Variants in DCX observed in about 807,000 individuals in gnomAD.
DCX encodes neuronal migration protein doublecortin.
Under a neutral mutation model 20.9 loss-of-function variants are expected in DCX, and 4 were observed. That is an observed-to-expected ratio of 0.19 (90% CI 0.09 to 0.44). The LOEUF is 0.44. Among genes scored for constraint, DCX ranks in the 20% least tolerant of loss-of-function variants. The pLI is 0.99. For synonymous variants in DCX, 103 were observed against 111.4 expected (o/e 0.92, Z 0.47); for missense variants, 133 against 296.9 (o/e 0.45, Z 4.06).
In DCX at chrX:111,401,239, T is replaced by C; in HGVS notation, c.456A>G (p.Thr152=). The change falls in exon 3 of 7, where the codon ACA becomes ACG. Residue 152 remains threonine, a synonymous_variant. Coordinates refer to ENST00000636035, the MANE Select transcript of DCX (RefSeq NM_001195553.2). ...VNPNWSVNVK[T]SANMKAPQSL... ...ACTGGGGGGCTTTCATATTGGCAGA[T>C]GTTTTTACGTTGACAGACCAGTTGG... 4.1e-6 allele frequency: 5 copies of C among 1,211,818 alleles called. No homozygotes were observed. The highest frequency in any genetic ancestry group is 4.5e-6 in the Non-Finnish European group (4 of 895,484).
intron 3 of DCX, among the ~76,000 whole-genome samples, chrX:111,358,794 T>C (rs1413962685): frequency 8.9e-6 from 1 of 112,075 alleles, no homozygotes; most frequent in Non-Finnish European, 1.9e-5. Context: ...ATCGTTTTTC[T>C]ATACTCCAGC....
intron 6 of DCX, among the ~76,000 whole-genome samples, chrX:111,311,594 T>A (rs1371814640): frequency 9.0e-6 from 1 of 111,634 alleles, no homozygotes; most frequent in African/African-American, 3.3e-5. Flanking sequence ...CACCACCTAC[T>A]GTGAGCTGGC....
chrX:111,382,784 G>A (rs1187328284), intron 3 of DCX, among the ~76,000 whole-genome samples: 1 of 111,550 alleles, frequency 9.0e-6, no homozygotes, highest in African/African-American at 3.3e-5. Flanking sequence ...CAAGGTATGT[G>A]AATCAGAAAA....
intron 3 of DCX, among the ~76,000 whole-genome samples, chrX:111,380,277 A>G (rs1190285992): frequency 9.0e-6 from 1 of 111,657 alleles, no homozygotes; most frequent in Non-Finnish European, 1.9e-5. Context: ...CAAGATTTAT[A>G]CATATTTTTC....
chrX:111,348,871 A>G (rs1428856436), intron 3 of DCX, among the ~76,000 whole-genome samples: 1 of 109,379 alleles, frequency 9.1e-6, no homozygotes, highest in Non-Finnish European at 1.9e-5. Context: ...TTGTTAAAAA[A>G]AAAAAAAGAA....
intron 6 of DCX, among the ~76,000 whole-genome samples, chrX:111,306,680 T>C (rs2095046047): frequency 1.8e-5 from 2 of 111,561 alleles, no homozygotes; most frequent in African/African-American, 6.5e-5. Flanking sequence ...CATAAAACAA[T>C]TCTCAATAAA....
At chrX:111,327,177 A>T (rs1055945971) in intron 5 of DCX, among the ~76,000 whole-genome samples, 2 of 111,755 alleles carry the variant, frequency 1.8e-5, no homozygotes, top group African/African-American at 6.5e-5. Flanking sequence ...ATAGACTTGG[A>T]TTCTAAGAGT....
intron 3 of DCX, among the ~76,000 whole-genome samples, chrX:111,381,467 G>C: frequency 9.1e-6 from 1 of 110,472 alleles, no homozygotes; most frequent in Non-Finnish European, 1.9e-5. Flanking sequence ...TGGGTGTAAG[G>C]CTTTCATGGG....
chrX:111,358,633 G>A (rs1923951688), intron 3 of DCX, among the ~76,000 whole-genome samples: 1 of 111,644 alleles, frequency 9.0e-6, no homozygotes, highest in African/African-American at 3.3e-5. Flanking sequence ...CTTGCCATAA[G>A]GACAAAAAAT....
chrX:111,392,621 A>G (rs1457518135), intron 3 of DCX, among the ~76,000 whole-genome samples: 1 of 111,638 alleles, frequency 9.0e-6, no homozygotes, highest in African/African-American at 3.3e-5. Context: ...CTATAGAACT[A>G]TGAAGTAGAT....
chrX:111,343,090 C>T (rs1922432722), intron 3 of DCX, among the ~76,000 whole-genome samples: 1 of 105,967 alleles, frequency 9.4e-6, no homozygotes, highest in Admixed American at 1.0e-4. Flanking sequence ...AGGAGATAAG[C>T]ACACAAACTC....
intron 5 of DCX, among the ~76,000 whole-genome samples, chrX:111,327,466 C>A (rs778357862): frequency 1.8e-5 from 2 of 112,379 alleles, no homozygotes; most frequent in Admixed American, 9.4e-5. Context: ...GAAAAGTATG[C>A]ACTGTCTATA....
intron 5 of DCX, among the ~76,000 whole-genome samples, chrX:111,318,679 G>A (rs1222332057): frequency 9.0e-6 from 1 of 111,013 alleles, no homozygotes; most frequent in Non-Finnish European, 1.9e-5. Context: ...ATTATCCTTA[G>A]CAAACTAACA....
chrX:111,336,336 G>C (rs1006768845), intron 3 of DCX, among the ~76,000 whole-genome samples: 1 of 112,359 alleles, frequency 8.9e-6, no homozygotes, highest in Non-Finnish European at 1.9e-5. Flanking sequence ...GAAAGGCAAA[G>C]TCCCCTGTGC....
At chrX:111,411,217 T>G in intron 1 of DCX, 1 of 374,262 alleles carries the variant, frequency 2.7e-6, no homozygotes. Flanking sequence ...CCGGTTCCAT[T>G]TGTTCACAAA....
At chrX:111,353,887 A>G (rs1463672397) in intron 3 of DCX, among the ~76,000 whole-genome samples, 1 of 111,885 alleles carries the variant, frequency 8.9e-6, no homozygotes, top group Non-Finnish European at 1.9e-5. Flanking sequence ...TACATTTAAT[A>G]GTCTAAAAAA....
At chrX:111,369,485 A>G (rs1302094371) in intron 3 of DCX, among the ~76,000 whole-genome samples, 1 of 111,781 alleles carries the variant, frequency 8.9e-6, no homozygotes, top group Non-Finnish European at 1.9e-5. Context: ...CACTAGGCAA[A>G]CAACCAATTC....
At position 111,409,426 on chromosome X, in the gene DCX, T is replaced by C. The variant is rs1009477753; in HGVS notation, c.364+609A>G. 6.3e-5 allele frequency among the ~76,000 whole-genome samples: 7 copies of C among 111,596 alleles called. No individual in the cohort carries two copies. The South Asian group carries it at 2.6e-3, about 42-fold the overall frequency. Reference sequence around the variant, plus strand: ...CCTATTCTAATAGGAATGGTCTTTATTAAAATACCAGACATACCTACAGCT... The same window carrying C: ...CCTATTCTAATAGGAATGGTCTTTACTAAAATACCAGACATACCTACAGCT... On this transcript the variant is annotated intron_variant, in intron 2 of 6. Coordinates refer to ENST00000636035, the MANE Select transcript of DCX (RefSeq NM_001195553.2).
intron 3 of DCX, among the ~76,000 whole-genome samples, chrX:111,364,087 T>C (rs761776425): frequency 1.8e-5 from 2 of 112,011 alleles, no homozygotes; most frequent in Non-Finnish European, 3.8e-5. Flanking sequence ...GGCTGGCTAA[T>C]TTGTTTCCTA....
Sources: allele counts gnomAD v4.1 joint callset (sites outside exome capture counted in the v4.1 genomes callset), GRCh38; gene constraint gnomAD v4.1.1; transcripts MANE v1.5; gene names NCBI Gene and HGNC (gene_info 2026-07-23, HGNC 2026-07-21).